Variants in NAA25 observed in about 807,000 individuals in gnomAD.
NAA25 encodes the protein N-alpha-acetyltransferase 25, NatB auxiliary subunit.
A neutral mutation model predicts 132.5 loss-of-function variants in NAA25; 30 were observed. The ratio of observed to expected loss-of-function variants is 0.23; its 90% CI spans 0.17 to 0.31. The LOEUF (loss-of-function observed/expected upper bound fraction) is 0.31. NAA25 is among the 10% of genes least tolerant of loss of function. The pLI is 1.00. For synonymous variants in NAA25, 359 were observed against 401.9 expected (o/e 0.89, Z 1.28); for missense variants, 771 against 1,150.4 (o/e 0.67, Z 4.77).
intron 4 of NAA25, among the ~76,000 whole-genome samples, chr12:112,087,254 T>G (rs1228563970): frequency 6.6e-6 from 1 of 152,144 alleles, no homozygotes; most frequent in African/African-American, 2.4e-5. Context: ...CAACAAGGAT[T>G]TTCCCCCTGG....
intron 4 of NAA25, among the ~76,000 whole-genome samples, chr12:112,086,014 CAAAAAAAAAAAAAAAAAAAAA>C (rs566528517): frequency 4.2e-4 from 5 of 11,984 alleles, no homozygotes; most frequent in East Asian, 2.8e-3. Context: ...GAGACTGTCT[CAAAAAAAAAAAAAAAAAAAAA>C]AAAAAAAAAA....
At chr12:112,078,782 G>A (rs753222302) in intron 5 of NAA25, 41 bp from the exon 6 acceptor site, 6 of 1,487,826 alleles carry the variant, frequency 4.0e-6, no homozygotes, top group Non-Finnish European at 5.6e-6. Flanking sequence ...ATTCTCCCCT[G>A]CTTGCACTAT....
chr12:112,092,093 T>C (rs532287694), intron 2 of NAA25, among the ~76,000 whole-genome samples: 3 of 151,422 alleles, frequency 2.0e-5, no homozygotes, highest in Non-Finnish European at 4.4e-5. Flanking sequence ...ACAAAAAAAT[T>C]AGCCGGGCGT....
At chr12:112,084,167 ATAAC>A (rs934231064) in intron 4 of NAA25, among the ~76,000 whole-genome samples, 2 of 152,212 alleles carry the variant, frequency 1.3e-5, no homozygotes, top group African/African-American at 4.8e-5. Flanking sequence ...CACCATATGA[ATAAC>A]TAGCTACTCT....
intron 1 of NAA25, among the ~76,000 whole-genome samples, chr12:112,108,199 T>C (rs113709611): frequency 1.3e-5 from 2 of 152,278 alleles, no homozygotes; most frequent in African/African-American, 4.8e-5. Context: ...CCTGACTCGA[T>C]CTGGGTGACC....
chr12:112,060,712 T>C (rs1344402272), intron 12 of NAA25, among the ~76,000 whole-genome samples: 1 of 152,234 alleles, frequency 6.6e-6, no homozygotes, highest in Non-Finnish European at 1.5e-5. Context: ...TCTAATTCTT[T>C]AGACTACAGA....
intron 10 of NAA25, among the ~76,000 whole-genome samples, chr12:112,071,232 G>A (rs1185256674): frequency 1.3e-5 from 2 of 152,094 alleles, no homozygotes; most frequent in Non-Finnish European, 2.9e-5. Context: ...TGTTGGCCAG[G>A]CTGGTCTTGA....
chr12:112,055,725 A>G (rs1471795536), intron 13 of NAA25, among the ~76,000 whole-genome samples: 1 of 152,094 alleles, frequency 6.6e-6, no homozygotes, highest in Non-Finnish European at 1.5e-5. Flanking sequence ...AAAGGAAAAA[A>G]AAAAAGAAAA....
intron 17 of NAA25, among the ~76,000 whole-genome samples, chr12:112,044,845 A>G (rs1439881987): frequency 1.3e-5 from 2 of 150,678 alleles, no homozygotes; most frequent in Non-Finnish European, 3.0e-5. Context: ...GTTGGAGAAC[A>G]GCCTGGTAAA....
chr12:112,105,325 A>C (rs1033647571), intron 1 of NAA25, among the ~76,000 whole-genome samples: 1 of 152,158 alleles, frequency 6.6e-6, no homozygotes, highest in East Asian at 1.9e-4. Context: ...TAACGAAAGA[A>C]GGCACTGGGG....
chr12:112,106,391 T>TAA lies in NAA25; in HGVS notation c.58+2323_58+2324dup, dbSNP rs61309313. Reference sequence around the variant, plus strand: ...TTGAAAGTATTGAGTGTTTTTAGTTTAAAAAAAAAAAAGTCTGCAGGCAGC... The same window carrying TAA: ...TTGAAAGTATTGAGTGTTTTTAGTTTAAAAAAAAAAAAAAGTCTGCAGGCAGC... On this transcript the variant is annotated intron_variant, in intron 1 of 23. Coordinates refer to ENST00000261745, the MANE Select transcript of NAA25 (RefSeq NM_024953.4). Among the ~76,000 whole-genome samples, 8 of 146,102 alleles carry TAA rather than the reference T, an allele frequency of 5.5e-5. No homozygotes were observed. The East Asian group carries it at 9.9e-4, about 18-fold the overall frequency.
intron 1 of NAA25, among the ~76,000 whole-genome samples, chr12:112,101,713 C>T (rs1020300974): frequency 2.6e-5 from 4 of 151,600 alleles, no homozygotes; most frequent in South Asian, 2.1e-4. Flanking sequence ...GTGGAGATCA[C>T]GCCATTGCAC....
intron 11 of NAA25, among the ~76,000 whole-genome samples, chr12:112,062,832 C>A (rs1167838879): frequency 6.6e-6 from 1 of 151,952 alleles, no homozygotes; most frequent in African/African-American, 2.4e-5. Flanking sequence ...CACTTGTGCT[C>A]AAGAGTTCAA....
chr12:112,065,998 C>T (rs542689371), intron 11 of NAA25, among the ~76,000 whole-genome samples: 2 of 152,280 alleles, frequency 1.3e-5, no homozygotes, highest in Admixed American at 6.5e-5. Context: ...GGACTATAAA[C>T]TCAATGTAAC....
chr12:112,055,498 C>G (rs1370890788), intron 13 of NAA25, among the ~76,000 whole-genome samples: 1 of 152,008 alleles, frequency 6.6e-6, no homozygotes, highest in African/African-American at 2.4e-5. Context: ...AGTTTGAGAC[C>G]AGCCTGAACA....
Position 112,043,732 on chromosome 12 carries a change from T to C in NAA25, c.2143A>G (p.Thr715Ala), listed in dbSNP as rs750892648. The C allele has an allele frequency of 6.2e-7, 1 of 1,614,172 alleles. No individual in the cohort carries two copies. The highest frequency in any genetic ancestry group is 8.5e-7 in the Non-Finnish European group (1 of 1,180,026). Reference protein sequence around the residue: ...HPVEPKNSEKTAENGVSSRID... With the variant: ...HPVEPKNSEKAAENGVSSRID... ...CGGGAGGATACCCCATTCTCGGCAG[T>C]CTTCTCCGAGTTCTTTGGCTCCACA... The change falls in exon 18 of 24, where the codon ACT (threonine) becomes GCT (alanine). Residue 715 changes from threonine to alanine, a missense_variant. Coordinates refer to ENST00000261745, the MANE Select transcript of NAA25 (RefSeq NM_024953.4).
At chr12:112,089,277 T>C (rs2079098000) in intron 3 of NAA25, among the ~76,000 whole-genome samples, 1 of 152,144 alleles carries the variant, frequency 6.6e-6, no homozygotes, top group Admixed American at 6.5e-5. Flanking sequence ...ATACCAAATG[T>C]TACAATCTGA....
rs2078101489 is a variant in NAA25 at position 112,027,627 on chromosome 12, G to A, written c.*1904C>T. 6.6e-6 allele frequency: 1 copy of A among 152,300 alleles called. No homozygotes were observed. The highest frequency in any genetic ancestry group is 1.5e-5 in the Non-Finnish European group (1 of 68,050). 9.4% of individuals were successfully genotyped at this position (152,300 alleles called of 1,614,324 possible). A position where few individuals can be genotyped will look rare whatever the true frequency, so the allele number is the denominator to read the frequency against. On this transcript the variant is annotated 3_prime_UTR_variant, in exon 24 of 24. Coordinates refer to ENST00000261745, the MANE Select transcript of NAA25 (RefSeq NM_024953.4). ...CCCTGAGGACCAAGGCTAGCCCACTGAACATACATATGCTAGATTGATCAT... is the reference window on the plus strand; with the variant it reads ...CCCTGAGGACCAAGGCTAGCCCACTAAACATACATATGCTAGATTGATCAT...
chr12:112,043,544 C>T, intron 18 of NAA25, 81 bp downstream of exon 18: 2 of 1,496,058 alleles, frequency 1.3e-6, no homozygotes, highest in Non-Finnish European at 1.8e-6. Flanking sequence ...CCTTACTACT[C>T]ACCCACCCCA....
Sources: allele counts gnomAD v4.1 joint callset (sites outside exome capture counted in the v4.1 genomes callset), GRCh38; gene constraint gnomAD v4.1.1; transcripts MANE v1.5; gene names NCBI Gene and HGNC (gene_info 2026-07-23, HGNC 2026-07-21).